FAM171A1: variants seen among roughly 807,000 people sequenced by gnomAD.
FAM171A1 encodes the protein protein FAM171A1.
FAM171A1 carries 23 observed loss-of-function variants against 74.9 expected under a neutral mutation model. The observed-to-expected ratio is 0.31, with a 90% confidence interval of 0.22 to 0.44. The LOEUF is 0.44. Among genes scored for constraint, FAM171A1 ranks in the 20% least tolerant of loss-of-function variants. FAM171A1 has a pLI of 1.00. For synonymous variants in FAM171A1, 527 were observed against 505.7 expected (o/e 1.04, Z -0.57); for missense variants, 1,162 against 1,159.2 (o/e 1.00, Z -0.03).
Position 15,304,280 on chromosome 10 carries a change from C to A in FAM171A1, c.98-20175G>T, listed in dbSNP as rs1835267218. Reference sequence around the variant, plus strand: ...ATTTTGATGCTTTGACATCTTGGAGCTTTGCTGGGCATGTAGGGACTGCCC... The same window carrying A: ...ATTTTGATGCTTTGACATCTTGGAGATTTGCTGGGCATGTAGGGACTGCCC... On this transcript the variant is annotated intron_variant, in intron 1 of 7. Transcript: ENST00000378116. Among the ~76,000 whole-genome samples the A allele has an allele frequency of 2.0e-5, 3 of 152,134 alleles. No individual in the cohort carries two copies. In the South Asian group the frequency reaches 6.2e-4, roughly 31 times the overall value.
rs780606288 is a variant in FAM171A1, at chr10:15,248,706, G to A, written c.687C>T (p.Pro229=). Residue 229 remains proline (P), a synonymous_variant, in exon 5 of 8, where the codon CCC becomes CCT. Coordinates refer to ENST00000378116, the MANE Select transcript of FAM171A1 (RefSeq NM_001010924.2). ...GCCTCAGGCTGCTCTGCGTGGCCAG[G>A]GGCACAGTGACATAGATGGGACCAT... ...LVDGPIYVTV[P]LATQSSLRHN... 3 of 1,613,232 alleles carry A rather than the reference G, an allele frequency of 1.9e-6. No individual in the cohort carries two copies. The highest frequency in any genetic ancestry group is 2.5e-6 in the Non-Finnish European group (3 of 1,179,588).
chr10:15,300,508 C>T (rs954241668), intron 1 of FAM171A1, among the ~76,000 whole-genome samples: 2 of 152,070 alleles, frequency 1.3e-5, no homozygotes, highest in Non-Finnish European at 2.9e-5. Flanking sequence ...GATCTTTCCC[C>T]ACCTGCAAGC....
intron 1 of FAM171A1, among the ~76,000 whole-genome samples, chr10:15,285,300 A>G (rs1008164975): frequency 6.6e-6 from 1 of 152,208 alleles, no homozygotes; most frequent in African/African-American, 2.4e-5. Flanking sequence ...TGGAGAGGCA[A>G]GTAAGGCCAG....
chr10:15,217,394 T>A (rs1332410667), intron 6 of FAM171A1, among the ~76,000 whole-genome samples: 2 of 152,192 alleles, frequency 1.3e-5, no homozygotes, highest in Non-Finnish European at 2.9e-5. Flanking sequence ...TATTTTTGAT[T>A]TTTGACATTC....
At chr10:15,228,265 A>C (rs1834134945) in intron 5 of FAM171A1, among the ~76,000 whole-genome samples, 1 of 151,968 alleles carries the variant, frequency 6.6e-6, no homozygotes, top group African/African-American at 2.4e-5. Context: ...CCTGAATCTC[A>C]CATGTTAAGA....
intron 1 of FAM171A1, among the ~76,000 whole-genome samples, chr10:15,330,114 G>A (rs1004304067): frequency 6.6e-6 from 1 of 152,170 alleles, no homozygotes; most frequent in African/African-American, 2.4e-5. Flanking sequence ...GACTGAGGCA[G>A]GTGGATCACT....
At chr10:15,218,385 A>C (rs1833994334) in intron 6 of FAM171A1, among the ~76,000 whole-genome samples, 1 of 152,100 alleles carries the variant, frequency 6.6e-6, no homozygotes, top group Non-Finnish European at 1.5e-5. Context: ...GGCCAGCATT[A>C]TTGTTTTAAT....
intron 1 of FAM171A1, among the ~76,000 whole-genome samples, chr10:15,287,544 C>T (rs562935838): frequency 2.0e-5 from 3 of 151,928 alleles, no homozygotes; most frequent in Non-Finnish European, 4.4e-5. Context: ...CCTGCCACCA[C>T]GCCCACCTAA....
chr10:15,299,488 G>GT (rs370300920), intron 1 of FAM171A1, among the ~76,000 whole-genome samples: 571 of 128,544 alleles, frequency 4.4e-3, no homozygotes, highest in African/African-American at 0.013. Flanking sequence ...TTTTGTTTTT[G>GT]TTTTTTTTGT....
intron 1 of FAM171A1, among the ~76,000 whole-genome samples, chr10:15,342,349 C>A (rs1318644694): frequency 2.0e-5 from 3 of 152,176 alleles, no homozygotes; most frequent in Non-Finnish European, 4.4e-5. Flanking sequence ...GCAGGCAGAT[C>A]GCTTGCAGTC....
At chr10:15,270,239 C>A (rs373750892) in intron 3 of FAM171A1, among the ~76,000 whole-genome samples, 2 of 152,228 alleles carry the variant, frequency 1.3e-5, no homozygotes, top group South Asian at 2.1e-4. Flanking sequence ...TATCCTGTGC[C>A]TGGCTCAGAG....
At chr10:15,249,374 A>G (rs1231186059) in intron 4 of FAM171A1, among the ~76,000 whole-genome samples, 1 of 152,208 alleles carries the variant, frequency 6.6e-6, no homozygotes, top group African/African-American at 2.4e-5. Flanking sequence ...TGCTGGGATT[A>G]TAGACTTAAG....
intron 1 of FAM171A1, among the ~76,000 whole-genome samples, chr10:15,331,879 A>ATATATATT (rs1835641482): frequency 9.3e-6 from 1 of 107,752 alleles, no homozygotes; most frequent in Admixed American, 9.1e-5. Flanking sequence ...GTGTGTGTAT[A>ATATATATT]CATATATATA....
At chr10:15,229,280 C>A (rs948498537) in intron 5 of FAM171A1, among the ~76,000 whole-genome samples, 7 of 152,248 alleles carry the variant, frequency 4.6e-5, no homozygotes, top group African/African-American at 1.2e-4. Context: ...TGGGCTCTGC[C>A]TAATCACTAG....
chr10:15,218,368 C>T (rs1162910661), intron 6 of FAM171A1, among the ~76,000 whole-genome samples: 2 of 152,136 alleles, frequency 1.3e-5, no homozygotes, highest in Admixed American at 6.5e-5. Context: ...CATGAACCAC[C>T]GTGCCTGGCC....
At chr10:15,235,882 A>T (rs1223185627) in intron 5 of FAM171A1, among the ~76,000 whole-genome samples, 1 of 152,090 alleles carries the variant, frequency 6.6e-6, no homozygotes, top group Non-Finnish European at 1.5e-5. Context: ...TGGAACCTTC[A>T]TCTCTCCCCA....
At position 15,370,944 on chromosome 10, in the gene FAM171A1, C is replaced by G; in HGVS notation, c.97+12G>C. The G allele has an allele frequency of 8.7e-7, 1 of 1,146,864 alleles. No homozygotes were observed. The highest frequency in any genetic ancestry group is 1.1e-6 in the Non-Finnish European group (1 of 914,546). 71.0% of individuals were successfully genotyped at this position (1,146,864 alleles called of 1,614,324 possible). ...CGACACAAAGCCCCCGGCCCCGCCG[C>G]CGCCCACTGACCTTGGGCTCCGGCG... On this transcript the variant is annotated intron_variant, in intron 1 of 7. Transcript: ENST00000378116.
chr10:15,322,729 G>C (rs780778557), intron 1 of FAM171A1, among the ~76,000 whole-genome samples: 10 of 152,320 alleles, frequency 6.6e-5, no homozygotes, highest in South Asian at 2.1e-4. Context: ...CAGTGTTTGG[G>C]GTCTGGTCCT....
chr10:15,244,928 T>C lies in FAM171A1; in HGVS notation c.754+3711A>G, dbSNP rs58063252. On this transcript the variant is annotated intron_variant, in intron 5 of 7. Coordinates refer to ENST00000378116, the MANE Select transcript of FAM171A1 (RefSeq NM_001010924.2). ...GACAAGCTGTCATTTACTTTTGTGA[T>C]GACTAATTTTGTCTGACAACATGGC... Among the ~76,000 whole-genome samples the C allele has an allele frequency of 4.9e-4, 75 of 152,338 alleles. No individual in the cohort carries two copies. In the East Asian group the frequency reaches 0.012, roughly 25 times the overall value.
Sources: allele counts gnomAD v4.1 joint callset (sites outside exome capture counted in the v4.1 genomes callset), GRCh38; gene constraint gnomAD v4.1.1; transcripts MANE v1.5; gene names NCBI Gene and HGNC (gene_info 2026-07-23, HGNC 2026-07-21).